BICD2: variants seen among roughly 807,000 people sequenced by gnomAD.
BICD2 encodes protein bicaudal D homolog 2.
In BICD2, 25 loss-of-function variants were observed where a neutral mutation model predicts 72.9. The observed-to-expected ratio is 0.34, with a 90% CI of 0.25 to 0.48. The LOEUF is 0.48. Ranked by LOEUF, BICD2 falls within the 20% of genes least tolerant of loss-of-function variation. BICD2 has a pLI of 0.99. For synonymous variants in BICD2, 501 were observed against 516.1 expected (o/e 0.97, Z 0.40); for missense variants, 894 against 1,175.2 (o/e 0.76, Z 3.50).
chr9:92,721,642 G>A (rs1853466509), intron 3 of BICD2, among the ~76,000 whole-genome samples: 1 of 152,228 alleles, frequency 6.6e-6, no homozygotes, highest in African/African-American at 2.4e-5. Flanking sequence ...CACAGGAGGT[G>A]GGCATGGAGC....
At chr9:92,752,831 C>A (rs1295312449) in intron 1 of BICD2, among the ~76,000 whole-genome samples, 1 of 152,170 alleles carries the variant, frequency 6.6e-6, no homozygotes, top group Non-Finnish European at 1.5e-5. Context: ...AGGGAAAAGT[C>A]TGCCATGCAG....
chr9:92,726,386 T>C (rs890962223), intron 2 of BICD2, among the ~76,000 whole-genome samples: 40 of 152,164 alleles, frequency 2.6e-4, no homozygotes, highest in African/African-American at 8.9e-4. Flanking sequence ...AGCAGGGTGG[T>C]GGGTCAAAGG....
At chr9:92,733,407 G>A (rs547188310) in intron 1 of BICD2, among the ~76,000 whole-genome samples, 20 of 151,812 alleles carry the variant, frequency 1.3e-4, no homozygotes, top group African/African-American at 4.4e-4. Flanking sequence ...GCGTGGTGGC[G>A]GGTGCCTGTA....
chr9:92,728,918 G>T, intron 2 of BICD2, 106 bp downstream of exon 2: 1 of 1,236,150 alleles, frequency 8.1e-7, no homozygotes, highest in African/African-American at 1.5e-5. Flanking sequence ...GCCAGCTGCA[G>T]CGTCCCCAGA....
chr9:92,715,486 T>C, intron 6 of BICD2, 23 bp from the exon 7 acceptor site: 1 of 1,558,670 alleles, frequency 6.4e-7, no homozygotes, highest in Non-Finnish European at 8.7e-7. Context: ...AAAACATGAC[T>C]GAGGGGCGGG....
chr9:92,728,953 C>A, intron 2 of BICD2, 71 bp downstream of exon 2: 1 of 1,538,786 alleles, frequency 6.5e-7, no homozygotes, highest in Non-Finnish European at 8.8e-7. Context: ...AGCCACCCAC[C>A]AGGCACACCT....
rs753260967 is a variant in BICD2, at chr9:92,718,924, C to T, written c.1721G>A (p.Ser574Asn). ...AGRTSPGGRT[S>N]PEARGRRSPI... is the part of the protein sequence containing the mutation. Reference sequence around the variant, plus strand: ...TGAGCGCCGGCCACGCGCCTCGGGGCTGGTGCGGCCCCCGGGACTGGTGCG... The same window carrying T: ...TGAGCGCCGGCCACGCGCCTCGGGGTTGGTGCGGCCCCCGGGACTGGTGCG... Residue 574 changes from serine to asparagine, a missense_variant, in exon 5 of 7, where the codon AGC becomes AAC. Ser to Asn is a conservative substitution (Grantham distance 46, BLOSUM62 1). Transcript: ENST00000356884. The T allele has an allele frequency of 2.5e-6, 4 of 1,607,668 alleles. No individual in the cohort carries two copies. The highest frequency in any genetic ancestry group is 3.4e-6 in the Non-Finnish European group (4 of 1,178,726).
intron 1 of BICD2, among the ~76,000 whole-genome samples, chr9:92,760,145 G>C (rs910091225): frequency 3.9e-5 from 6 of 152,168 alleles, no homozygotes; most frequent in African/African-American, 1.2e-4. Flanking sequence ...AGTCAGTATG[G>C]AGTTCACAGG....
chr9:92,757,753 T>G (rs570342875), intron 1 of BICD2, among the ~76,000 whole-genome samples: 12 of 151,836 alleles, frequency 7.9e-5, no homozygotes, highest in Admixed American at 1.3e-4. Flanking sequence ...ACAACTGATA[T>G]ACTTACAGAC....
At chr9:92,744,678 A>G (rs1853971408) in intron 1 of BICD2, among the ~76,000 whole-genome samples, 1 of 152,088 alleles carries the variant, frequency 6.6e-6, no homozygotes, top group Admixed American at 6.5e-5. Context: ...CTCCTCTACT[A>G]AAAATACAAA....
intron 1 of BICD2, among the ~76,000 whole-genome samples, chr9:92,762,102 A>T (rs1292872697): frequency 2.6e-5 from 4 of 152,192 alleles, no homozygotes; most frequent in African/African-American, 7.2e-5. Context: ...AAGCAACTCC[A>T]TTTGGAGCAC....
chr9:92,744,671 C>T (rs1311339022), intron 1 of BICD2, among the ~76,000 whole-genome samples: 13 of 152,044 alleles, frequency 8.6e-5, no homozygotes, highest in Non-Finnish European at 5.9e-5. Context: ...GAAACCCCTC[C>T]TCTACTAAAA....
In BICD2 at chr9:92,764,616, C is replaced by T; in HGVS notation, c.129G>A (p.Ala43=). The change falls in exon 1 of 7, where the codon GCG becomes GCA. Residue 43 remains alanine (A), a synonymous_variant. Transcript: ENST00000356884. The surrounding 1 kb of genome is among the most constrained non-coding windows in gnomAD (Gnocchi z 5.5). The part of the protein sequence containing the change: ...LAETTREKIQ[A]AEYGLAVLEE... ...CGAGCACCGCCAGCCCGTACTCGGC[C>T]GCCTGGATCTTCTCACGCGTGGTCT... is the stretch of plus-strand genomic sequence containing the variant. 1 of 1,592,542 alleles carries T rather than the reference C, an allele frequency of 6.3e-7. No individual in the cohort carries two copies. Among genetic ancestry groups the T allele is most frequent in the Non-Finnish European group, 8.5e-7 (1 of 1,170,754 alleles).
Position 92,720,225 on chromosome 9 carries a change from C to G in BICD2, c.1062+75G>C. 1 of 1,373,122 alleles carries G rather than the reference C, an allele frequency of 7.3e-7. No individual in the cohort carries two copies. The highest frequency in any genetic ancestry group is 9.8e-7 in the Non-Finnish European group (1 of 1,016,082). 85.1% of individuals were successfully genotyped at this position (1,373,122 alleles called of 1,614,324 possible). A position where few individuals can be genotyped will look rare whatever the true frequency, so the allele number is the denominator to read the frequency against. ...GGGAAAGTTAACATCAGCAGAGTGT[C>G]AGGTAAGCACTGCTCGGGGAGCCCT... On this transcript the variant is annotated intron_variant, in intron 4 of 6. Coordinates refer to ENST00000356884, the MANE Select transcript of BICD2 (RefSeq NM_001003800.2). This position sits in a 1 kb window ranked among gnomAD's most constrained non-coding sequence, Gnocchi z 5.4.
intron 1 of BICD2, among the ~76,000 whole-genome samples, chr9:92,751,742 T>C (rs907871750): frequency 2.6e-5 from 4 of 151,988 alleles, no homozygotes; most frequent in African/African-American, 4.8e-5. Context: ...CATGGTTAAC[T>C]AAATATACAT....
intron 1 of BICD2, among the ~76,000 whole-genome samples, chr9:92,758,703 A>T (rs1854313873): frequency 6.6e-6 from 1 of 152,004 alleles, no homozygotes; most frequent in South Asian, 2.1e-4. Flanking sequence ...ATACAAAAAA[A>T]ATTAGCCGGG....
At position 92,713,421 on chromosome 9, in the gene BICD2, C is replaced by T. The variant is rs368065653; in HGVS notation, c.*1733G>A. On this transcript the variant is annotated 3_prime_UTR_variant, in exon 7 of 7. Transcript: ENST00000356884. ...GGAAGGGGAAGGGGCTGCAGTGTGA[C>T]AGGGCCGGGTGGCCAAGTCCTCCTG... 6 of 1,580,326 alleles carry T rather than the reference C, an allele frequency of 3.8e-6. No individual in the cohort carries two copies. The African/African-American group carries it at 8.1e-5, about 21-fold the overall frequency.
chr9:92,737,602 T>C (rs1273627075), intron 1 of BICD2, among the ~76,000 whole-genome samples: 1 of 152,062 alleles, frequency 6.6e-6, no homozygotes, highest in African/African-American at 2.4e-5. Context: ...AGCTGGACGA[T>C]GAAGGAAGAG....
In BICD2 at chr9:92,729,108, C is replaced by T. The variant is rs200399010; in HGVS notation, c.369G>A (p.Thr123=). The T allele has an allele frequency of 3.0e-5, 49 of 1,614,248 alleles. No individual in the cohort carries two copies. Among genetic ancestry groups the T allele is most frequent in the African/African-American group, 4.0e-5 (3 of 75,058 alleles). ...GGACATTGCGCAACTGCTTCAGCTC[C>T]GTCTGCAGCTCTAGCACCTTCCGCA... ...YYVRKVLELQ[T]ELKQLRNVLT... The change falls in exon 2 of 7, where the codon ACG becomes ACA. Residue 123 remains threonine, a synonymous_variant. Coordinates refer to ENST00000356884, the MANE Select transcript of BICD2 (RefSeq NM_001003800.2).
Sources: gnomAD v4.1 joint callset for allele counts (sites outside exome capture counted in the v4.1 genomes callset) on GRCh38, gnomAD v4.1.1 for gene constraint, Gnocchi (gnomAD v3.1) non-coding constraint, MANE v1.5 for transcripts, NCBI Gene and HGNC (gene_info 2026-07-23, HGNC 2026-07-21) for gene names.